The following RIOK3 variants were observed in gnomAD, a reference collection of about 807,000 sequenced individuals.
RIOK3 encodes serine/threonine-protein kinase RIO3.
Under a neutral mutation model 63.5 loss-of-function variants are expected in RIOK3, and 40 were observed. The ratio of observed to expected loss-of-function variants is 0.63; its 90% CI spans 0.49 to 0.82. The LOEUF is 0.82. RIOK3 is among the 40% of genes least tolerant of loss of function. The pLI, the probability that RIOK3 is intolerant of heterozygous loss-of-function variation, is 0.00. For synonymous variants in RIOK3, 193 were observed against 205.0 expected (o/e 0.94, Z 0.50); for missense variants, 557 against 637.0 (o/e 0.87, Z 1.35).
intron 1 of RIOK3, among the ~76,000 whole-genome samples, chr18:23,459,641 G>A (rs2057361535): frequency 1.3e-5 from 2 of 152,214 alleles, no homozygotes; most frequent in Admixed American, 1.3e-4. Flanking sequence ...AGAAAGGAAT[G>A]TGTGAAGGCA....
At position 23,457,027 on chromosome 18, in the gene RIOK3, T is replaced by G. The variant is rs1161292592; in HGVS notation, c.63+3525T>G. Among the ~76,000 whole-genome samples the G allele has an allele frequency of 1.3e-5, 2 of 152,222 alleles. 1 individual carries two copies. The highest frequency in any genetic ancestry group is 4.8e-5 in the African/African-American group (2 of 41,462). On this transcript the variant is annotated intron_variant, in intron 1 of 12. Coordinates refer to ENST00000339486, the MANE Select transcript of RIOK3 (RefSeq NM_003831.5). ...CACACATTCCATTGGCCATCAGTGA[T>G]GATGTCATCACATCTGATGTAGACT... is the stretch of plus-strand genomic sequence containing the variant.
Position 23,469,703 on chromosome 18 carries a change from G to A in RIOK3, c.815+2177G>A, listed in dbSNP as rs147855116. On this transcript the variant is annotated intron_variant, in intron 7 of 12. Coordinates refer to ENST00000339486, the MANE Select transcript of RIOK3 (RefSeq NM_003831.5). The stretch of plus-strand genomic sequence containing the variant: ...GGGTTTCACCATTTTGGCCAGGCTG[G>A]TCTCAAATTCCTGACCTTGTGATCC... Among the ~76,000 whole-genome samples the A allele has an allele frequency of 9.4e-3, 1,433 of 151,808 alleles. 11 individuals carry two copies. The highest frequency in any genetic ancestry group is 0.015 in the Non-Finnish European group (1,050 of 67,952).
At chr18:23,478,583 C>A (rs2057509124) in intron 11 of RIOK3, among the ~76,000 whole-genome samples, 1 of 114,772 alleles carries the variant, frequency 8.7e-6, no homozygotes. Flanking sequence ...CAGTGCTAGG[C>A]CCTGTCTCTT....
chr18:23,476,857 A>G, intron 9 of RIOK3, 149 bp from the exon 10 acceptor site: 1 of 589,584 alleles, frequency 1.7e-6, no homozygotes, highest in Non-Finnish European at 3.0e-6. Context: ...GCTTGCAGTG[A>G]GCTGAGATCA....
rs1415728035 is a variant in RIOK3 at position 23,466,216 on chromosome 18, T to C, written c.627T>C (p.His209=). 5 of 1,612,862 alleles carry C rather than the reference T, an allele frequency of 3.1e-6. No homozygotes were observed. The highest frequency in any genetic ancestry group is 4.2e-6 in the Non-Finnish European group (5 of 1,179,430). Residue 209 remains histidine, a synonymous_variant, in exon 6 of 13, where the codon CAT becomes CAC. Coordinates refer to ENST00000339486, the MANE Select transcript of RIOK3 (RefSeq NM_003831.5). ...SNHVFNALKQ[H]AYSEERRSAR... ...ATGTTTTCAATGCTTTAAAACAACATGCCTACTCAGAAGAACGTCGAAGTG... is the reference window on the plus strand; with the variant it reads ...ATGTTTTCAATGCTTTAAAACAACACGCCTACTCAGAAGAACGTCGAAGTG...
Position 23,475,841 on chromosome 18 carries a change from A to G in RIOK3, c.1173+734A>G, listed in dbSNP as rs529412871. Reference sequence around the variant, plus strand: ...GATTAGTGACACAGTGCATGAAGCTATTTTTCACCAAACTTCATTAAATAA... The same window carrying G: ...GATTAGTGACACAGTGCATGAAGCTGTTTTTCACCAAACTTCATTAAATAA... On this transcript the variant is annotated intron_variant, in intron 9 of 12. Coordinates refer to ENST00000339486, the MANE Select transcript of RIOK3 (RefSeq NM_003831.5). Among the ~76,000 whole-genome samples the G allele has an allele frequency of 1.5e-4, 23 of 150,376 alleles. No homozygotes were observed. In the South Asian group the frequency reaches 4.8e-3, roughly 31 times the overall value.
intron 7 of RIOK3, among the ~76,000 whole-genome samples, chr18:23,469,746 A>G (rs1175062044): frequency 6.6e-6 from 1 of 152,024 alleles, no homozygotes; most frequent in Admixed American, 6.6e-5. Context: ...TCAGCCTCCC[A>G]AAGTGCTGGG....
rs370477416 is a variant in RIOK3 at position 23,473,398 on chromosome 18, G to A, written c.816-31G>A. ...TGTTGTACTTGTGAGCTGGCAACTTGTACTGACTTGATTTTTTTTCTTCCA... is the reference window on the plus strand; with the variant it reads ...TGTTGTACTTGTGAGCTGGCAACTTATACTGACTTGATTTTTTTTCTTCCA... On this transcript the variant is annotated intron_variant, in intron 7 of 12. Transcript: ENST00000339486. The A allele has an allele frequency of 9.0e-6, 13 of 1,441,626 alleles. No homozygotes were observed. The Admixed American group carries it at 9.2e-5, about 10-fold the overall frequency. The allele number at this position is 1,441,626 out of a possible 1,614,324, so 89.3% of individuals were successfully genotyped here.
intron 1 of RIOK3, among the ~76,000 whole-genome samples, chr18:23,454,776 C>CA (rs1485800409): frequency 6.6e-6 from 1 of 152,158 alleles, no homozygotes; most frequent in African/African-American, 2.4e-5. Flanking sequence ...CATTGTGCAA[C>CA]AAAAATGCTT....
intron 4 of RIOK3, 28 bp downstream of exon 4, chr18:23,464,341 A>T: frequency 6.8e-7 from 1 of 1,472,984 alleles, no homozygotes; most frequent in Non-Finnish European, 9.5e-7. Flanking sequence ...TTCTGGGGGC[A>T]GCAGAATAGA....
chr18:23,479,870 C>T (rs1271729420), intron 12 of RIOK3, among the ~76,000 whole-genome samples: 3 of 152,150 alleles, frequency 2.0e-5, no homozygotes, highest in Non-Finnish European at 4.4e-5. Context: ...AGCCACTGTG[C>T]CCGGCCTGTT....
At chr18:23,468,865 G>C (rs963570331) in intron 7 of RIOK3, among the ~76,000 whole-genome samples, 3 of 152,202 alleles carry the variant, frequency 2.0e-5, no homozygotes, top group Non-Finnish European at 4.4e-5. Flanking sequence ...TAGGTTCTCT[G>C]TTCAGGGTTT....
At position 23,461,289 on chromosome 18, in the gene RIOK3, ACT is replaced by A. The variant is rs2057370860; in HGVS notation, c.64-1673_64-1672del. Among the ~76,000 whole-genome samples the A allele has an allele frequency of 2.0e-5, 3 of 152,218 alleles. No individual in the cohort carries two copies. The South Asian group carries it at 6.2e-4, about 32-fold the overall frequency. Reference sequence around the variant, plus strand: ...TTTTATGCTATATTCTAAATTAGACACTCAGTAGTAGTTAAGGAATGAGTTTT... The same window carrying A: ...TTTTATGCTATATTCTAAATTAGACACAGTAGTAGTTAAGGAATGAGTTTT... On this transcript the variant is annotated intron_variant, in intron 1 of 12. Coordinates refer to ENST00000339486, the MANE Select transcript of RIOK3 (RefSeq NM_003831.5).
chr18:23,463,061 C>T lies in RIOK3; in HGVS notation c.161C>T (p.Ala54Val), dbSNP rs1191726560. ...GAATTGCAGTTAGAAGAAGAAGCTG[C>T]CGTTTTTCCTGAAGTTGCGTAAGTA... ...AKELQLEEEAAVFPEVAVAEG... is the reference protein window; with the variant it reads ...AKELQLEEEAVVFPEVAVAEG... The change falls in exon 2 of 13, where the codon GCC becomes GTC. Residue 54 changes from alanine to valine, a missense_variant. Ala to Val is a moderately conservative substitution (Grantham distance 64). This residue lies in a region of RIOK3 where 243 missense variants were observed against 275.4 expected (regional missense o/e 0.88). Coordinates refer to ENST00000339486, the MANE Select transcript of RIOK3 (RefSeq NM_003831.5). 1 of 1,607,096 alleles carries T rather than the reference C, an allele frequency of 6.2e-7. No individual in the cohort carries two copies. Among genetic ancestry groups the T allele is most frequent in the Non-Finnish European group, 8.5e-7 (1 of 1,176,778 alleles).
In RIOK3 at chr18:23,464,642, A is replaced by C; in HGVS notation, c.543+14A>C. 3.4e-6 allele frequency: 5 copies of C among 1,484,026 alleles called. No individual in the cohort carries two copies. Among genetic ancestry groups the C allele is most frequent in the Non-Finnish European group, 4.6e-6 (5 of 1,085,618 alleles). The allele number at this position is 1,484,026 out of a possible 1,614,324, so 91.9% of individuals were successfully genotyped here. ...AGAATGGAAAATGTAAGTTACAGAA[A>C]GTATCTATCTCTGAATTTAGAGTTT... On this transcript the variant is annotated intron_variant, in intron 5 of 12. Transcript: ENST00000339486.
chr18:23,464,593 G>A lies in RIOK3; in HGVS notation c.508G>A (p.Val170Ile). Residue 170 changes from valine (V) to isoleucine (I), a missense_variant, in exon 5 of 13, where the codon GTA (valine) becomes ATA (isoleucine). Val to Ile is a conservative substitution (Grantham distance 29). This residue lies in a region of RIOK3 where 243 missense variants were observed against 275.4 expected (regional missense o/e 0.88). Transcript: ENST00000339486. ...TATCACCACCAAACATGATGAAGTA[G>A]TATGTGGGAGAAAGAACACAGCAAG... ...KDITTKHDEV[V>I]CGRKNTARME... 2 of 1,603,214 alleles carry A rather than the reference G, an allele frequency of 1.2e-6. No homozygotes were observed. The highest frequency in any genetic ancestry group is 1.7e-6 in the Non-Finnish European group (2 of 1,176,092).
Position 23,481,444 on chromosome 18 carries a change from T to TC in RIOK3, c.*166dup. 1 of 520,996 alleles carries TC rather than the reference T, an allele frequency of 1.9e-6. No individual in the cohort carries two copies. The allele number at this position is 520,996 out of a possible 1,614,324, so 32.3% of individuals were successfully genotyped here. A position where few individuals can be genotyped will look rare whatever the true frequency, so the allele number is the denominator to read the frequency against. On this transcript the variant is annotated 3_prime_UTR_variant, in exon 13 of 13. Coordinates refer to ENST00000339486, the MANE Select transcript of RIOK3 (RefSeq NM_003831.5). ...GTGCCAGATGTGTGGAATTTTTAGC[T>TC]CAGCATTGAGAGAATAAAATGTCAC...
Position 23,464,079 on chromosome 18 carries a change from C to T in RIOK3, c.292C>T (p.Arg98Cys). Residue 98 changes from arginine (R) to cysteine (C), a missense_variant, in exon 3 of 13, where the codon CGT (arginine) becomes TGT (cysteine). This residue lies in a region of RIOK3 where 243 missense variants were observed against 275.4 expected (regional missense o/e 0.88). Transcript: ENST00000339486. ...YDREYDAQLR[R>C]EEKKFNGDSK... ...CAGAGAATATGATGCACAGCTTAGG[C>T]GTGAAGAAAAAAAATTCAATGGAGA... 2.5e-6 allele frequency: 4 copies of T among 1,611,344 alleles called. No individual in the cohort carries two copies. The highest frequency in any genetic ancestry group is 1.1e-5 in the South Asian group (1 of 90,584).
chr18:23,459,726 A>G (rs1452086768), intron 1 of RIOK3, among the ~76,000 whole-genome samples: 22 of 152,156 alleles, frequency 1.4e-4, no homozygotes, highest in Admixed American at 1.4e-3. Context: ...GCTGGAGTGA[A>G]GTGGCGCAAT....
Sources: gnomAD v4.1 joint callset for allele counts (sites outside exome capture counted in the v4.1 genomes callset) on GRCh38, gnomAD v4.1.1 for gene constraint, gnomAD v4.1.1 regional missense constraint, MANE v1.5 for transcripts, NCBI Gene and HGNC (gene_info 2026-07-23, HGNC 2026-07-21) for gene names.